Variants in XRCC4 observed in about 807,000 individuals in gnomAD.
The protein encoded by XRCC4 is DNA repair protein XRCC4.
Under a neutral mutation model 39.1 loss-of-function variants are expected in XRCC4, and 28 were observed. That is an observed-to-expected ratio of 0.72 (90% CI 0.53 to 0.98). The LOEUF (loss-of-function observed/expected upper bound fraction) is 0.98, where lower values mean the gene tolerates loss of function less well. Ranked by LOEUF, XRCC4 falls within the 50% of genes least tolerant of loss-of-function variation. The pLI, the probability that XRCC4 is intolerant of heterozygous loss-of-function variation, is 0.00. For missense variants in XRCC4, 350 were observed against 376.4 expected (o/e 0.93, Z 0.58); for synonymous variants, 123 against 126.4 (o/e 0.97, Z 0.18).
intron 2 of XRCC4, among the ~76,000 whole-genome samples, chr5:83,105,627 AC>A (rs1746162698): frequency 6.6e-6 from 1 of 152,276 alleles, no homozygotes; most frequent in East Asian, 1.9e-4. Context: ...AATGCTAATG[AC>A]CCTCAAATCA....
intron 3 of XRCC4, among the ~76,000 whole-genome samples, chr5:83,186,526 C>T (rs1750446272): frequency 2.0e-5 from 3 of 152,160 alleles, no homozygotes; most frequent in Admixed American, 2.0e-4. Context: ...ATTGGGCCCA[C>T]CTGGCTAATT....
At chr5:83,270,059 G>A (rs1356922497) in intron 7 of XRCC4, among the ~76,000 whole-genome samples, 1 of 152,142 alleles carries the variant, frequency 6.6e-6, no homozygotes, top group African/African-American at 2.4e-5. Flanking sequence ...GACAGTGACG[G>A]ATTAGCAGGC....
chr5:83,175,507 T>A (rs1033041702), intron 3 of XRCC4, among the ~76,000 whole-genome samples: 56 of 152,344 alleles, frequency 3.7e-4, no homozygotes, highest in African/African-American at 1.3e-3. Context: ...TAGTAAATGC[T>A]GCTAATTAAA....
intron 7 of XRCC4, chr5:83,280,461 C>G (rs1754497712): frequency 2.6e-6 from 2 of 770,680 alleles, no homozygotes; most frequent in South Asian, 3.1e-5. Context: ...CACATATCTC[C>G]TTAGGCAAAA....
intron 3 of XRCC4, among the ~76,000 whole-genome samples, chr5:83,162,387 T>C (rs1749257988): frequency 1.3e-5 from 2 of 152,124 alleles, no homozygotes; most frequent in Admixed American, 1.3e-4. Context: ...CATTAGTGAA[T>C]TGGGGTTGGG....
chr5:83,215,101 T>C (rs1172737673), intron 6 of XRCC4, among the ~76,000 whole-genome samples: 1 of 151,994 alleles, frequency 6.6e-6, no homozygotes, highest in Non-Finnish European at 1.5e-5. Flanking sequence ...TTTGGGAAGC[T>C]GATGCGGGCA....
intron 6 of XRCC4, among the ~76,000 whole-genome samples, chr5:83,209,609 CATTTTGAAAA>C (rs1252251726): frequency 1.3e-5 from 2 of 151,894 alleles, no homozygotes; most frequent in African/African-American, 2.4e-5. Flanking sequence ...TCTTGTGAAA[CATTTTGAAAA>C]GCTATGCTTA....
At chr5:83,145,201 T>C (rs1340700542) in intron 3 of XRCC4, among the ~76,000 whole-genome samples, 1 of 152,208 alleles carries the variant, frequency 6.6e-6, no homozygotes, top group Non-Finnish European at 1.5e-5. Context: ...GGCTCATAAA[T>C]TATTTTTAAT....
intron 3 of XRCC4, among the ~76,000 whole-genome samples, chr5:83,191,820 C>G (rs1308127042): frequency 6.6e-6 from 1 of 152,204 alleles, no homozygotes; most frequent in Non-Finnish European, 1.5e-5. Flanking sequence ...CCTCCCCAGC[C>G]ATGTGAAACT....
At chr5:83,295,834 C>G (rs745615297) in intron 7 of XRCC4, among the ~76,000 whole-genome samples, 2 of 151,998 alleles carry the variant, frequency 1.3e-5, no homozygotes, top group Non-Finnish European at 2.9e-5. Flanking sequence ...GGAATTTACT[C>G]TGTATACTTT....
intron 3 of XRCC4, among the ~76,000 whole-genome samples, chr5:83,149,539 C>T (rs1325761133): frequency 6.6e-6 from 1 of 151,992 alleles, no homozygotes; most frequent in African/African-American, 2.4e-5. Context: ...ATAATTATTG[C>T]TTTTCTTTTT....
At chr5:83,293,277 T>C (rs1327219161) in intron 7 of XRCC4, among the ~76,000 whole-genome samples, 1 of 152,002 alleles carries the variant, frequency 6.6e-6, no homozygotes, top group Non-Finnish European at 1.5e-5. Flanking sequence ...TTCTTTTCTA[T>C]GACCAAAAGT....
chr5:83,350,539 A>G (rs768286549), intron 7 of XRCC4, among the ~76,000 whole-genome samples: 69 of 150,484 alleles, frequency 4.6e-4, no homozygotes, highest in Middle Eastern at 3.4e-3. Context: ...TTTTTTTTTC[A>G]TATGTTTGTT....
chr5:83,234,735 T>G (rs1752623439), intron 6 of XRCC4, among the ~76,000 whole-genome samples: 1 of 152,116 alleles, frequency 6.6e-6, no homozygotes, highest in African/African-American at 2.4e-5. Context: ...TTTATATTGC[T>G]AAGGGATTGA....
chr5:83,277,163 A>C (rs1426948578), intron 7 of XRCC4, among the ~76,000 whole-genome samples: 3 of 152,248 alleles, frequency 2.0e-5, no homozygotes, highest in Non-Finnish European at 4.4e-5. Context: ...AAACAAAGAT[A>C]TATGAAACCA....
intron 7 of XRCC4, among the ~76,000 whole-genome samples, chr5:83,288,513 G>C (rs1191437805): frequency 6.6e-6 from 1 of 151,808 alleles, no homozygotes. Context: ...GACTGAAAAA[G>C]TCTTTATTTC....
chr5:83,103,936 G>A (rs1746074023), intron 1 of XRCC4, among the ~76,000 whole-genome samples: 1 of 152,174 alleles, frequency 6.6e-6, no homozygotes, highest in African/African-American at 2.4e-5. Context: ...TGAATTTTGG[G>A]TAGCAATGTT....
intron 7 of XRCC4, among the ~76,000 whole-genome samples, chr5:83,300,344 C>G (rs1227715515): frequency 6.6e-6 from 1 of 152,112 alleles, no homozygotes; most frequent in Non-Finnish European, 1.5e-5. Flanking sequence ...CTTTCTCTCT[C>G]TCTTTCTCCA....
intron 7 of XRCC4, among the ~76,000 whole-genome samples, chr5:83,288,871 TC>T (rs1754822518): frequency 6.6e-6 from 1 of 151,928 alleles, no homozygotes; most frequent in Non-Finnish European, 1.5e-5. Context: ...AAATATTTTT[TC>T]TACTCTGTTT....
Sources: allele counts gnomAD v4.1 joint callset (sites outside exome capture counted in the v4.1 genomes callset), GRCh38; gene constraint gnomAD v4.1.1; transcripts MANE v1.5; gene names NCBI Gene and HGNC (gene_info 2026-07-23, HGNC 2026-07-21).